PTCHD4: variants seen among roughly 807,000 people sequenced by gnomAD.
The protein encoded by PTCHD4 is patched domain-containing protein 4.
In PTCHD4, 33 loss-of-function variants were observed where a neutral mutation model predicts 58.1. The ratio of observed to expected loss-of-function variants is 0.57; its 90% CI spans 0.43 to 0.76. PTCHD4 has a LOEUF of 0.76. Ranked by LOEUF, PTCHD4 falls within the 30% of genes least tolerant of loss-of-function variation. The pLI is 0.00. For missense variants in PTCHD4, 1,058 were observed against 1,027.1 expected, an observed-to-expected ratio of 1.03 and a Z score of -0.41; for synonymous variants, 478 against 409.6, an observed-to-expected ratio of 1.17 and a Z score of -2.02.
intron 4 of PTCHD4, among the ~76,000 whole-genome samples, chr6:47,982,934 T>G (rs1767938834): frequency 6.6e-6 from 1 of 152,186 alleles, no homozygotes; most frequent in African/African-American, 2.4e-5. Context: ...GGGCATCCAG[T>G]GTATACCAAG....
intron 4 of PTCHD4, among the ~76,000 whole-genome samples, chr6:47,975,720 G>T (rs749354791): frequency 2.0e-5 from 3 of 152,066 alleles, no homozygotes; most frequent in Non-Finnish European, 4.4e-5. Context: ...TATTTCTTTA[G>T]CACCTATTAA....
At chr6:48,043,932 G>C (rs1763940857) in intron 3 of PTCHD4, among the ~76,000 whole-genome samples, 1 of 151,796 alleles carries the variant, frequency 6.6e-6, no homozygotes, top group African/African-American at 2.4e-5. Context: ...AAGTAAAATT[G>C]CCTGCAGTAT....
chr6:47,977,043 G>A (rs1581962689), intron 4 of PTCHD4, among the ~76,000 whole-genome samples: 1 of 152,198 alleles, frequency 6.6e-6, no homozygotes, highest in Non-Finnish European at 1.5e-5. Context: ...TTCACTTTTG[G>A]GAGTTTATCA....
chr6:47,951,169 C>T (rs945705162), intron 4 of PTCHD4, among the ~76,000 whole-genome samples: 1 of 152,080 alleles, frequency 6.6e-6, no homozygotes, highest in African/African-American at 2.4e-5. Flanking sequence ...TAATCTAATT[C>T]TTGTCTTTGA....
intron 4 of PTCHD4, among the ~76,000 whole-genome samples, chr6:47,957,657 G>T (rs193170184): frequency 6.7e-5 from 10 of 150,324 alleles, no homozygotes; most frequent in Admixed American, 5.3e-4. Context: ...CTGGAGTGCA[G>T]TGACGCAATC....
chr6:48,026,369 C>T (rs1763247045), intron 3 of PTCHD4, among the ~76,000 whole-genome samples: 1 of 152,110 alleles, frequency 6.6e-6, no homozygotes, highest in Non-Finnish European at 1.5e-5. Flanking sequence ...CCAGCTTTGT[C>T]CATCTCCTTT....
At position 47,876,998 on chromosome 6, in the gene PTCHD4, A is replaced by G. The variant is rs1763865295; in HGVS notation, c.*1305T>C. Among the ~76,000 whole-genome samples, 1 of 152,016 alleles carries G rather than the reference A, an allele frequency of 6.6e-6. No homozygotes were observed. Among genetic ancestry groups the G allele is most frequent in the Non-Finnish European group, 1.5e-5 (1 of 67,960 alleles). ...TAACAAGAGCAACACTATTGTGAGA[A>G]GCTACAAATGGTACTGCAGTAGGTG... On this transcript the variant is annotated 3_prime_UTR_variant, in exon 5 of 5. Transcript: ENST00000339488.
At chr6:48,000,826 C>T (rs1486782725) in intron 4 of PTCHD4, among the ~76,000 whole-genome samples, 1 of 152,160 alleles carries the variant, frequency 6.6e-6, no homozygotes, top group East Asian at 1.9e-4. Flanking sequence ...CAGTTTCTTC[C>T]TCTCTCTGCT....
intron 4 of PTCHD4, among the ~76,000 whole-genome samples, chr6:47,917,613 T>C (rs1165139988): frequency 3.3e-5 from 5 of 152,138 alleles, no homozygotes; most frequent in Non-Finnish European, 5.9e-5. Flanking sequence ...TTTTATAAAT[T>C]TCCTCAAACT....
At position 47,891,450 on chromosome 6, in the gene PTCHD4, G is replaced by GA. The variant is rs1252706000; in HGVS notation, c.899-11515dup. Among the ~76,000 whole-genome samples the GA allele has an allele frequency of 3.3e-5, 5 of 151,750 alleles. No individual in the cohort carries two copies. The South Asian group carries it at 6.3e-4, about 19-fold the overall frequency. On this transcript the variant is annotated intron_variant, in intron 4 of 4. Transcript: ENST00000339488. ...CCCCTCCATAATCAGAACCAAATCT[G>GA]AAAAAAACACAAACATTGCCCAAAA...
At chr6:48,049,259 G>A (rs1764148681) in intron 3 of PTCHD4, among the ~76,000 whole-genome samples, 1 of 151,710 alleles carries the variant, frequency 6.6e-6, no homozygotes, top group African/African-American at 2.4e-5. Flanking sequence ...AATGCACAGG[G>A]CAATCTCACA....
chr6:48,024,542 A>G (rs899346621), intron 3 of PTCHD4, among the ~76,000 whole-genome samples: 6 of 152,070 alleles, frequency 3.9e-5, no homozygotes, highest in Non-Finnish European at 7.4e-5. Context: ...CTGGAAAACA[A>G]TTCATTGTGA....
chr6:47,894,476 A>C (rs373084088), intron 4 of PTCHD4, among the ~76,000 whole-genome samples: 3 of 152,216 alleles, frequency 2.0e-5, no homozygotes, highest in African/African-American at 7.2e-5. Context: ...AAACTGCTCC[A>C]TGTAGTCTTC....
intron 1 of PTCHD4, among the ~76,000 whole-genome samples, chr6:48,072,811 G>T (rs1306320216): frequency 7.2e-5 from 11 of 151,870 alleles, no homozygotes; most frequent in African/African-American, 2.7e-4. Flanking sequence ...CCTTTCCCTT[G>T]TTTTCCTGCA....
chr6:48,034,109 T>C (rs1048472561), intron 3 of PTCHD4, among the ~76,000 whole-genome samples: 2 of 152,106 alleles, frequency 1.3e-5, no homozygotes, highest in African/African-American at 4.8e-5. Context: ...TAAAGAATTA[T>C]GGCCCTAGTG....
intron 1 of PTCHD4, among the ~76,000 whole-genome samples, chr6:48,074,498 A>C (rs1179809844): frequency 2.6e-5 from 4 of 152,216 alleles, no homozygotes; most frequent in Non-Finnish European, 5.9e-5. Context: ...GAAGGCCTCC[A>C]GTAGATTTCC....
chr6:47,897,213 C>T (rs1764552521), intron 4 of PTCHD4, among the ~76,000 whole-genome samples: 1 of 152,120 alleles, frequency 6.6e-6, no homozygotes, highest in South Asian at 2.1e-4. Flanking sequence ...AACTATTCTT[C>T]TCCAAGCACT....
At chr6:48,095,732 C>CA (rs112185985) in intron 1 of PTCHD4, among the ~76,000 whole-genome samples, 25,743 of 124,734 alleles carry the variant, frequency 0.21, 2,440 homozygotes, top group South Asian at 0.24. Flanking sequence ...CAAAAGGAAC[C>CA]AAAAAAAAAA....
Position 47,873,599 on chromosome 6 carries a change from G to A in PTCHD4, c.*4704C>T, listed in dbSNP as rs1341411610. On this transcript the variant is annotated 3_prime_UTR_variant, in exon 5 of 5. Coordinates refer to ENST00000339488, the MANE Select transcript of PTCHD4 (RefSeq NM_001384253.1). ...TTATGATTTTGCTGCTTTCATTTGG[G>A]TCAATATCATTGTAGTTATTTTGTA... Among the ~76,000 whole-genome samples the A allele has an allele frequency of 6.6e-6, 1 of 151,570 alleles. No homozygotes were observed. Among genetic ancestry groups the A allele is most frequent in the Non-Finnish European group, 1.5e-5 (1 of 67,768 alleles).
Sources: allele counts gnomAD v4.1 joint callset (sites outside exome capture counted in the v4.1 genomes callset), GRCh38; gene constraint gnomAD v4.1.1; transcripts MANE v1.5; gene names NCBI Gene and HGNC (gene_info 2026-07-23, HGNC 2026-07-21).